MIPOL1: variants seen among roughly 807,000 people sequenced by gnomAD.
MIPOL1 encodes mirror-image polydactyly gene 1 protein.
A neutral mutation model predicts 60.9 loss-of-function variants in MIPOL1; 57 were observed. The ratio of observed to expected loss-of-function variants is 0.94; its 90% CI spans 0.76 to 1.17. MIPOL1 has a LOEUF of 1.17. MIPOL1 is among the 50% of genes most tolerant of loss of function. The probability of loss-of-function intolerance (pLI) is 0.00; values close to 1 mark genes in which losing one functional copy is unlikely to be tolerated. For synonymous variants in MIPOL1, 179 were observed against 168.8 expected (o/e 1.06, Z -0.47); for missense variants, 551 against 511.6 (o/e 1.08, Z -0.74).
chr14:37,496,650 G>GT (rs1194091694), intron 11 of MIPOL1, among the ~76,000 whole-genome samples: 1 of 151,254 alleles, frequency 6.6e-6, no homozygotes, highest in Non-Finnish European at 1.5e-5. Flanking sequence ...TGAAATAAAA[G>GT]AGGATACAAA....
chr14:37,474,132 A>G (rs2094730461), intron 11 of MIPOL1, among the ~76,000 whole-genome samples: 1 of 152,140 alleles, frequency 6.6e-6, no homozygotes, highest in Admixed American at 6.5e-5. Flanking sequence ...ATTCCATTGT[A>G]CAGACACATT....
At chr14:37,373,545 A>G (rs993747530) in intron 10 of MIPOL1, among the ~76,000 whole-genome samples, 1 of 151,172 alleles carries the variant, frequency 6.6e-6, no homozygotes, top group Non-Finnish European at 1.5e-5. Flanking sequence ...TAGCGCCCCA[A>G]CCCCCAACAG....
At chr14:37,431,569 CTTTTTTTTTTT>C (rs869258490) in intron 11 of MIPOL1, among the ~76,000 whole-genome samples, 13 of 64,852 alleles carry the variant, frequency 2.0e-4, no homozygotes, top group Admixed American at 1.2e-3. Flanking sequence ...ATCTCTGTTT[CTTTTTTTTTTT>C]TTTTTTTTTT....
intron 7 of MIPOL1, among the ~76,000 whole-genome samples, chr14:37,294,558 G>GA (rs1405102848): frequency 2.0e-5 from 3 of 151,876 alleles, no homozygotes; most frequent in Admixed American, 6.6e-5. Flanking sequence ...TAAAAACTTT[G>GA]AAAAAAAATT....
chr14:37,442,375 C>A (rs2094263920), intron 11 of MIPOL1, among the ~76,000 whole-genome samples: 1 of 151,958 alleles, frequency 6.6e-6, no homozygotes, highest in African/African-American at 2.4e-5. Flanking sequence ...CTTTCTCTTG[C>A]CTGATTGCTC....
intron 1 of MIPOL1, among the ~76,000 whole-genome samples, chr14:37,210,003 C>G (rs1966678018): frequency 6.6e-6 from 1 of 152,068 alleles, no homozygotes; most frequent in Non-Finnish European, 1.5e-5. Context: ...GCCACTGCAC[C>G]CTGCCAGATG....
intron 12 of MIPOL1, among the ~76,000 whole-genome samples, chr14:37,509,890 T>C (rs779449896): frequency 6.6e-6 from 1 of 151,612 alleles, no homozygotes; most frequent in African/African-American, 2.4e-5. Flanking sequence ...ATTAAGAAAC[T>C]GTAGAAATGC....
At chr14:37,211,564 T>C (rs1485672495) in intron 1 of MIPOL1, among the ~76,000 whole-genome samples, 4 of 152,114 alleles carry the variant, frequency 2.6e-5, no homozygotes, top group African/African-American at 9.7e-5. Flanking sequence ...GTGGTCCAAA[T>C]CTGAGTGCCT....
chr14:37,330,960 C>CT (rs1005350404), intron 9 of MIPOL1, among the ~76,000 whole-genome samples: 1 of 151,886 alleles, frequency 6.6e-6, no homozygotes, highest in Admixed American at 6.6e-5. Context: ...GAATATTTAC[C>CT]TTTTTTAGTT....
chr14:37,241,801 A>C (rs1265271678), intron 1 of MIPOL1, among the ~76,000 whole-genome samples: 1 of 152,194 alleles, frequency 6.6e-6, no homozygotes. Flanking sequence ...AGACAATTGT[A>C]AATAGTCCCT....
chr14:37,393,659 A>T (rs961788806), intron 10 of MIPOL1, among the ~76,000 whole-genome samples: 25 of 151,898 alleles, frequency 1.6e-4, no homozygotes, highest in African/African-American at 5.8e-4. Flanking sequence ...ATACAATTTT[A>T]TGGCAGGCCA....
chr14:37,262,560 G>T (rs1006533204), intron 3 of MIPOL1, among the ~76,000 whole-genome samples: 2 of 152,074 alleles, frequency 1.3e-5, no homozygotes, highest in Non-Finnish European at 2.9e-5. Context: ...CCCCCCAAAA[G>T]ACAGAATTTA....
At chr14:37,327,962 G>A (rs549027663) in intron 9 of MIPOL1, among the ~76,000 whole-genome samples, 4 of 152,206 alleles carry the variant, frequency 2.6e-5, no homozygotes, top group African/African-American at 9.6e-5. Flanking sequence ...TGAGGTTAGA[G>A]TGTTGTTTGG....
chr14:37,486,420 G>A (rs1206099466), intron 11 of MIPOL1, among the ~76,000 whole-genome samples: 1 of 152,092 alleles, frequency 6.6e-6, no homozygotes, highest in African/African-American at 2.4e-5. Flanking sequence ...ATTACTTTGG[G>A]CAGTATGGCC....
At chr14:37,207,429 G>C (rs1234178072) in intron 1 of MIPOL1, among the ~76,000 whole-genome samples, 2 of 152,118 alleles carry the variant, frequency 1.3e-5, no homozygotes, top group African/African-American at 4.8e-5. Flanking sequence ...TTCATCAGCA[G>C]TGTGAAAACA....
intron 7 of MIPOL1, among the ~76,000 whole-genome samples, chr14:37,288,335 GAGAT>G (rs2084763718): frequency 6.6e-6 from 1 of 152,044 alleles, no homozygotes; most frequent in African/African-American, 2.4e-5. Context: ...GCAAAAAAGA[GAGAT>G]AGGGAGTGGG....
chr14:37,236,476 G>A (rs117681320), intron 1 of MIPOL1, among the ~76,000 whole-genome samples: 6,800 of 151,162 alleles, frequency 0.045, 299 homozygotes, highest in Admixed American at 0.1. Context: ...GACCCTTGTC[G>A]CCCAGGCTGG....
intron 1 of MIPOL1, among the ~76,000 whole-genome samples, chr14:37,222,543 C>A (rs1214950980): frequency 6.6e-6 from 1 of 152,022 alleles, no homozygotes; most frequent in African/African-American, 2.4e-5. Flanking sequence ...TTCCATAAAG[C>A]CTTTTGGGCA....
chr14:37,361,284 T>C (rs1244192640), intron 9 of MIPOL1, among the ~76,000 whole-genome samples: 2 of 152,200 alleles, frequency 1.3e-5, no homozygotes, highest in Admixed American at 1.3e-4. Flanking sequence ...CTGAGAAGAA[T>C]ATGTATTCTG....
Sources: gnomAD v4.1 joint callset for allele counts (sites outside exome capture counted in the v4.1 genomes callset) on GRCh38, gnomAD v4.1.1 for gene constraint, MANE v1.5 for transcripts, NCBI Gene and HGNC (gene_info 2026-07-23, HGNC 2026-07-21) for gene names.